DGKB: variants seen among roughly 807,000 people sequenced by gnomAD.
DGKB encodes the protein diacylglycerol kinase beta.
Under a neutral mutation model 114.3 loss-of-function variants are expected in DGKB, and 67 were observed. The ratio of observed to expected loss-of-function variants is 0.59; its 90% CI spans 0.48 to 0.72. The LOEUF is 0.72. DGKB is among the 30% of genes least tolerant of loss of function. DGKB has a pLI of 0.00. For missense variants in DGKB, 907 were observed against 975.2 expected (o/e 0.93, Z 0.93); for synonymous variants, 398 against 323.1 (o/e 1.23, Z -2.49).
chr7:14,427,948 C>A lies in DGKB; in HGVS notation c.1835+50213G>T, dbSNP rs1359271868. 2.0e-5 allele frequency among the ~76,000 whole-genome samples: 3 copies of A among 152,128 alleles called. No individual in the cohort carries two copies. The East Asian group carries it at 5.8e-4, about 29-fold the overall frequency. On this transcript the variant is annotated intron_variant, in intron 21 of 25. Transcript: ENST00000402815. ...TCTCAAAAGTTTTCTTAAATTATAT[C>A]TTTCTCTATGTTTTAAATTTTCCTG...
At chr7:14,334,617 C>T (rs1240660378) in intron 23 of DGKB, among the ~76,000 whole-genome samples, 1 of 151,428 alleles carries the variant, frequency 6.6e-6, no homozygotes, top group Non-Finnish European at 1.5e-5. Flanking sequence ...TACAGAACTG[C>T]AGAGGAATTG....
chr7:14,449,889 T>A (rs1193865671), intron 21 of DGKB, among the ~76,000 whole-genome samples: 1 of 152,064 alleles, frequency 6.6e-6, no homozygotes, highest in Non-Finnish European at 1.5e-5. Context: ...AATGCCAAAC[T>A]CTCACGGAGA....
chr7:14,503,060 T>G (rs751877989), intron 20 of DGKB, among the ~76,000 whole-genome samples: 5 of 152,128 alleles, frequency 3.3e-5, no homozygotes, highest in Non-Finnish European at 5.9e-5. Context: ...TTCTCCCTTG[T>G]GATTTATGCC....
chr7:14,287,629 C>G (rs909303228), intron 23 of DGKB, among the ~76,000 whole-genome samples: 5 of 152,054 alleles, frequency 3.3e-5, no homozygotes, highest in Non-Finnish European at 5.9e-5. Context: ...ATATTAGACC[C>G]TCAACAGGAA....
At chr7:14,811,294 A>G (rs1360352405) in intron 2 of DGKB, among the ~76,000 whole-genome samples, 4 of 152,112 alleles carry the variant, frequency 2.6e-5, no homozygotes, top group African/African-American at 9.7e-5. Context: ...TGCAGCTTCA[A>G]ACTTCCAGGA....
intron 13 of DGKB, among the ~76,000 whole-genome samples, chr7:14,671,437 G>T (rs117675690): frequency 6.6e-6 from 1 of 152,278 alleles, no homozygotes; most frequent in Non-Finnish European, 1.5e-5. Context: ...GATATTTAAT[G>T]ATTAGAGATG....
At chr7:14,866,216 C>T (rs553859895) in intron 1 of DGKB, among the ~76,000 whole-genome samples, 10 of 152,220 alleles carry the variant, frequency 6.6e-5, no homozygotes, top group African/African-American at 1.9e-4. Context: ...TAAAATTCCC[C>T]ACCAGAGTGG....
chr7:14,310,608 T>C (rs930149302), intron 23 of DGKB, among the ~76,000 whole-genome samples: 2 of 152,216 alleles, frequency 1.3e-5, no homozygotes, highest in Non-Finnish European at 2.9e-5. Context: ...CACAACTCTC[T>C]ATCTTTTGCC....
At chr7:14,808,436 C>T (rs1244757282) in intron 2 of DGKB, among the ~76,000 whole-genome samples, 1 of 151,934 alleles carries the variant, frequency 6.6e-6, no homozygotes, top group African/African-American at 2.4e-5. Flanking sequence ...TGTTCATCAT[C>T]CTTCACTATA....
intron 25 of DGKB, among the ~76,000 whole-genome samples, chr7:14,159,730 C>T (rs578172854): frequency 1.1e-4 from 16 of 152,246 alleles, no homozygotes; most frequent in African/African-American, 1.7e-4. Flanking sequence ...AGTGCAGTGG[C>T]GCCATCTTGG....
intron 20 of DGKB, among the ~76,000 whole-genome samples, chr7:14,516,391 G>A (rs1423578349): frequency 6.6e-6 from 1 of 152,136 alleles, no homozygotes; most frequent in African/African-American, 2.4e-5. Context: ...TAGTTGAAGG[G>A]TTCAATGTAC....
At chr7:14,607,340 G>T in intron 17 of DGKB, 94 bp downstream of exon 17, 1 of 707,622 alleles carries the variant, frequency 1.4e-6, no homozygotes, top group Non-Finnish European at 2.5e-6. Context: ...ATGCTGCTGT[G>T]TTCAAATAAC....
chr7:14,737,888 G>A (rs536630523), intron 4 of DGKB, among the ~76,000 whole-genome samples: 115 of 122,994 alleles, frequency 9.4e-4, no homozygotes, highest in African/African-American at 4.1e-3. Flanking sequence ...GTGAGACTCC[G>A]TCTCAAAAAA....
chr7:14,258,788 T>C (rs1796309129), intron 23 of DGKB, among the ~76,000 whole-genome samples: 2 of 152,164 alleles, frequency 1.3e-5, no homozygotes, highest in Non-Finnish European at 2.9e-5. Flanking sequence ...GGAATAGTAA[T>C]CATATAAAGG....
intron 2 of DGKB, among the ~76,000 whole-genome samples, chr7:14,776,505 G>A (rs1042275906): frequency 7.2e-5 from 11 of 152,240 alleles, no homozygotes; most frequent in African/African-American, 2.7e-4. Flanking sequence ...TTGGGGCCTT[G>A]CATTCCAGCT....
At chr7:14,683,695 C>A (rs984061529) in intron 10 of DGKB, among the ~76,000 whole-genome samples, 1 of 151,820 alleles carries the variant, frequency 6.6e-6, no homozygotes, top group Non-Finnish European at 1.5e-5. Flanking sequence ...TCAATAAAAA[C>A]AAAAGCAAAA....
At chr7:14,946,213 T>A (rs1261120436) in intron 1 of DGKB, among the ~76,000 whole-genome samples, 1 of 151,534 alleles carries the variant, frequency 6.6e-6, no homozygotes, top group Non-Finnish European at 1.5e-5. Context: ...TCCATATAGG[T>A]TCTACAGCAT....
chr7:14,691,085 TACCAAAATAGATATTCTTTAAAATAG>T (rs932881696), intron 9 of DGKB, among the ~76,000 whole-genome samples: 2 of 152,210 alleles, frequency 1.3e-5, no homozygotes, highest in African/African-American at 4.8e-5. Flanking sequence ...CTGATTTTGG[TACCAAAATAGATATTCTTTAAAATAG>T]ACTAGTTTTT....
chr7:14,268,406 A>G (rs1797826559), intron 23 of DGKB, among the ~76,000 whole-genome samples: 1 of 152,178 alleles, frequency 6.6e-6, no homozygotes, highest in Non-Finnish European at 1.5e-5. Context: ...CAACATACGT[A>G]TTTTAGTATC....
Sources: gnomAD v4.1 joint callset for allele counts (sites outside exome capture counted in the v4.1 genomes callset) on GRCh38, gnomAD v4.1.1 for gene constraint, MANE v1.5 for transcripts, NCBI Gene and HGNC (gene_info 2026-07-23, HGNC 2026-07-21) for gene names.